FBLN1: variants seen among roughly 807,000 people sequenced by gnomAD.
The protein encoded by FBLN1 is fibulin 1, also known as fibulin-1.
FBLN1 carries 34 observed loss-of-function variants against 89.7 expected under a neutral mutation model. That is an observed-to-expected ratio of 0.38 (90% confidence interval 0.29 to 0.50). FBLN1 has a LOEUF of 0.50. Ranked by LOEUF, FBLN1 falls within the 20% of genes least tolerant of loss-of-function variation. The pLI is 0.92. For synonymous variants in FBLN1, 393 were observed against 391.3 expected, an observed-to-expected ratio of 1.00 and a Z score of -0.05; for missense variants, 777 against 988.1, an observed-to-expected ratio of 0.79 and a Z score of 2.86.
rs147589332 is a variant in FBLN1 at position 45,512,085 on chromosome 22, C to T, written c.80-6597C>T. On this transcript the variant is annotated intron_variant, in intron 1 of 16. Transcript: ENST00000327858. ...CCACAGCCCAGTGTCGAGTTACCAG[C>T]GAGTGCCTGTTCTGCTTGGGTGGGT... Among the ~76,000 whole-genome samples the T allele has an allele frequency of 4.4e-4, 67 of 151,920 alleles. 1 individual carries two copies. In the East Asian group the frequency reaches 0.013, roughly 29 times the overall value.
At position 45,512,238 on chromosome 22, in the gene FBLN1, C is replaced by T. The variant is rs561683113; in HGVS notation, c.80-6444C>T. The stretch of plus-strand genomic sequence containing the variant: ...CATTATCCTCCTGACTCACAGTGTT[C>T]CAGGGCTGCTCAGCTGCCCTAGGGT... On this transcript the variant is annotated intron_variant, in intron 1 of 16. Transcript: ENST00000327858. Among the ~76,000 whole-genome samples the T allele has an allele frequency of 3.9e-5, 6 of 152,140 alleles. No individual in the cohort carries two copies. In the East Asian group the frequency reaches 1.2e-3, roughly 29 times the overall value.
chr22:45,541,787 AT>A (rs2088559562), intron 9 of FBLN1, among the ~76,000 whole-genome samples: 1 of 152,036 alleles, frequency 6.6e-6, no homozygotes, highest in Non-Finnish European at 1.5e-5. Flanking sequence ...CTCTCACGTC[AT>A]TCCCTCTGCC....
In FBLN1 at chr22:45,578,995, GCA is replaced by G. The variant is rs2089021344; in HGVS notation, c.1972+1890_1972+1891del. Among the ~76,000 whole-genome samples, 1 of 152,224 alleles carries G rather than the reference GCA, an allele frequency of 6.6e-6. No individual in the cohort carries two copies. On this transcript the variant is annotated intron_variant, in intron 16 of 16. Coordinates refer to ENST00000327858, the MANE Select transcript of FBLN1 (RefSeq NM_006486.3). The surrounding 1 kb of genome is among the most constrained non-coding windows in gnomAD (Gnocchi z 4.6). ...CAAAATATGATGCCGAAATAGGCAT[GCA>G]CAGAGACAGGCCTTGATGGCCTGTG...
At position 45,519,095 on chromosome 22, in the gene FBLN1, G is replaced by T. The variant is rs77542204; in HGVS notation, c.185+308G>T. 6.7e-3 allele frequency among the ~76,000 whole-genome samples: 903 copies of T among 134,992 alleles called. 7 individuals carry two copies. The highest frequency in any genetic ancestry group is 0.025 in the African/African-American group (877 of 35,318). 88.6% of individuals were successfully genotyped at this position (134,992 alleles called of 152,430 possible). The stretch of plus-strand genomic sequence containing the variant: ...AGTCAGTTTTCTCTTTTAAAAAAGG[G>T]GGGACAGTTGTGGGGGAGCAAAGGA... On this transcript the variant is annotated intron_variant, in intron 2 of 16. Transcript: ENST00000327858.
At position 45,532,003 on chromosome 22, in the gene FBLN1, C is replaced by T. The variant is rs1298682301; in HGVS notation, c.544+679C>T. Among the ~76,000 whole-genome samples the T allele has an allele frequency of 6.6e-6, 1 of 152,194 alleles. No homozygotes were observed. Among genetic ancestry groups the T allele is most frequent in the East Asian group, 1.9e-4 (1 of 5,198 alleles). On this transcript the variant is annotated intron_variant, in intron 5 of 16. Transcript: ENST00000327858. The surrounding 1 kb of genome is among the most constrained non-coding windows in gnomAD (Gnocchi z 4.2). ...TCTGCACATTTAACTAAGGGCCTCGCAGGTTTGTTTTTCATATGATAAAAC... is the reference window on the plus strand; with the variant it reads ...TCTGCACATTTAACTAAGGGCCTCGTAGGTTTGTTTTTCATATGATAAAAC...
intron 3 of FBLN1, among the ~76,000 whole-genome samples, chr22:45,527,065 C>A (rs991314482): frequency 1.3e-5 from 2 of 152,138 alleles, no homozygotes; most frequent in Admixed American, 1.3e-4. Flanking sequence ...CAGCGGAGGG[C>A]GTAGAATAAG....
intron 9 of FBLN1, 46 bp downstream of exon 9, chr22:45,541,418 T>G: frequency 6.2e-7 from 1 of 1,612,068 alleles, no homozygotes. Context: ...CCTGTCTGCT[T>G]CCAGCATGCA....
rs1481623453 is a variant in FBLN1 at position 45,562,923 on chromosome 22, G to A, written c.1698-11588G>A. 2 of 1,613,872 alleles carry A rather than the reference G, an allele frequency of 1.2e-6. No individual in the cohort carries two copies. Among genetic ancestry groups the A allele is most frequent in the Non-Finnish European group, 1.7e-6 (2 of 1,180,008 alleles). ...CACTTTTCTTGCAGCCGCTGTGAGC[G>A]CTTGCCTTGCCATGAGAATCGGGAG... On this transcript the variant is annotated intron_variant, in intron 14 of 16. Coordinates refer to ENST00000327858, the MANE Select transcript of FBLN1 (RefSeq NM_006486.3). The surrounding 1 kb of genome is among the most constrained non-coding windows in gnomAD (Gnocchi z 7.8).
intron 14 of FBLN1, chr22:45,551,095 G>A (rs959599534): frequency 1.9e-5 from 5 of 260,116 alleles, no homozygotes; most frequent in Middle Eastern, 1.4e-3. Context: ...CCTGGTGACC[G>A]TGTGGGAACG....
intron 14 of FBLN1, chr22:45,564,900 G>C: frequency 6.2e-7 from 1 of 1,614,062 alleles, no homozygotes; most frequent in Non-Finnish European, 8.5e-7. Context: ...ATCCAAGAAG[G>C]GAAGGCAGAA....
intron 14 of FBLN1, among the ~76,000 whole-genome samples, chr22:45,569,272 A>T (rs979634575): frequency 6.6e-6 from 1 of 152,216 alleles, no homozygotes; most frequent in Non-Finnish European, 1.5e-5. Flanking sequence ...ATGCAGTCAC[A>T]TTCAACGAGG....
intron 9 of FBLN1, 58 bp from the exon 10 acceptor site, chr22:45,542,097 T>G (rs983608109): frequency 1.2e-6 from 2 of 1,613,088 alleles, no homozygotes; most frequent in Non-Finnish European, 1.7e-6. Context: ...CTGATCATCT[T>G]GGGGGGAAAA....
chr22:45,525,765 A>G (rs912999730), intron 3 of FBLN1, 87 bp downstream of exon 3: 65 of 1,516,370 alleles, frequency 4.3e-5, no homozygotes, highest in Non-Finnish European at 5.5e-5. Context: ...ACTGTCTGTC[A>G]GCGCTCCCTG....
chr22:45,523,839 T>C (rs1417381683), intron 2 of FBLN1, among the ~76,000 whole-genome samples: 2 of 152,268 alleles, frequency 1.3e-5, no homozygotes, highest in Non-Finnish European at 2.9e-5. Flanking sequence ...ATGATTATTC[T>C]ATTTTTAATT....
In FBLN1 at chr22:45,532,169, A is replaced by T. The variant is rs561741207; in HGVS notation, c.544+845A>T. 6.6e-5 allele frequency among the ~76,000 whole-genome samples: 10 copies of T among 152,236 alleles called. No individual in the cohort carries two copies. Among genetic ancestry groups the T allele is most frequent in the Admixed American group, 3.9e-4 (6 of 15,290 alleles). Reference sequence around the variant, plus strand: ...AATGATGCAGTCAGTGTACAGTGACAGTTGGTCCAGGGGCGCTGTCCAGGG... The same window carrying T: ...AATGATGCAGTCAGTGTACAGTGACTGTTGGTCCAGGGGCGCTGTCCAGGG... On this transcript the variant is annotated intron_variant, in intron 5 of 16. Coordinates refer to ENST00000327858, the MANE Select transcript of FBLN1 (RefSeq NM_006486.3). The surrounding 1 kb of genome is among the most constrained non-coding windows in gnomAD (Gnocchi z 4.2).
Position 45,502,921 on chromosome 22 carries a change from C to T in FBLN1, c.-65C>T. 1.5e-6 allele frequency: 1 copy of T among 671,010 alleles called. No homozygotes were observed. The highest frequency in any genetic ancestry group is 1.9e-6 in the Non-Finnish European group (1 of 534,102). The allele number at this position is 671,010 out of a possible 1,614,324, so 41.6% of individuals were successfully genotyped here. A position where few individuals can be genotyped will look rare whatever the true frequency, so the allele number is the denominator to read the frequency against. On this transcript the variant is annotated 5_prime_UTR_variant, in exon 1 of 17. Transcript: ENST00000327858. ...GCTCGGCCGGAGCGTGGAGCCCGCG[C>T]CGCTGCCCCAGGACCGCGCCCGCGC...
intron 1 of FBLN1, among the ~76,000 whole-genome samples, chr22:45,509,214 G>A (rs1449320904): frequency 6.6e-6 from 1 of 152,184 alleles, no homozygotes; most frequent in African/African-American, 2.4e-5. Context: ...TTGGAGCAGG[G>A]TGGGATGTTG....
At chr22:45,516,122 G>C (rs909581711) in intron 1 of FBLN1, among the ~76,000 whole-genome samples, 1 of 152,188 alleles carries the variant, frequency 6.6e-6, no homozygotes, top group Admixed American at 6.5e-5. Flanking sequence ...GGGCAGGCAG[G>C]CGGCCAGGAG....
rs1009587216 is a variant in FBLN1 at position 45,562,731 on chromosome 22, G to A, written c.1698-11780G>A. Reference sequence around the variant, plus strand: ...GAAGAGGCTAGTGCCTGAATCAGCAGCCTGGAGGTCCACGGCGCCTCCCGC... The same window carrying A: ...GAAGAGGCTAGTGCCTGAATCAGCAACCTGGAGGTCCACGGCGCCTCCCGC... On this transcript the variant is annotated intron_variant, in intron 14 of 16. Transcript: ENST00000327858. This position sits in a 1 kb window ranked among gnomAD's most constrained non-coding sequence, Gnocchi z 7.8. Among the ~76,000 whole-genome samples, 2 of 152,226 alleles carry A rather than the reference G, an allele frequency of 1.3e-5. No homozygotes were observed. Among genetic ancestry groups the A allele is most frequent in the Non-Finnish European group, 2.9e-5 (2 of 68,040 alleles).
Sources: gnomAD v4.1 joint callset for allele counts (sites outside exome capture counted in the v4.1 genomes callset) on GRCh38, gnomAD v4.1.1 for gene constraint, Gnocchi (gnomAD v3.1) non-coding constraint, MANE v1.5 for transcripts, NCBI Gene and HGNC (gene_info 2026-07-23, HGNC 2026-07-21) for gene names.